The following GRK3 variants were observed in gnomAD, a reference collection of about 807,000 sequenced individuals.
The protein encoded by GRK3 is G protein-coupled receptor kinase 3, also known as adrenergic, beta, receptor kinase 2.
In GRK3, 54 loss-of-function variants were observed where a neutral mutation model predicts 95.7. The ratio of observed to expected loss-of-function variants is 0.56; its 90% CI spans 0.45 to 0.71. GRK3 has a LOEUF of 0.71. Ranked by LOEUF, GRK3 falls within the 30% of genes least tolerant of loss-of-function variation. The pLI is 0.00. For missense variants in GRK3, 649 were observed against 851.2 expected (o/e 0.76, Z 2.96); for synonymous variants, 281 against 290.8 (o/e 0.97, Z 0.34).
chr22:25,718,179 GA>G lies in GRK3; in HGVS notation c.1655-64del. On this transcript the variant is annotated intron_variant, in intron 18 of 20. Coordinates refer to ENST00000324198, the MANE Select transcript of GRK3 (RefSeq NM_005160.4). Reference sequence around the variant, plus strand: ...AAAGCATGTCTGTTCTTTTTTCAGAGAATAATGCTGCTAAGACATTTTGTTT... The same window carrying G: ...AAAGCATGTCTGTTCTTTTTTCAGAGATAATGCTGCTAAGACATTTTGTTT... The G allele has an allele frequency of 2.0e-6, 3 of 1,528,024 alleles. No individual in the cohort carries two copies. The South Asian group carries it at 3.6e-5, about 18-fold the overall frequency. 94.7% of individuals were successfully genotyped at this position (1,528,024 alleles called of 1,614,324 possible).
chr22:25,626,625 G>A (rs2146363844), intron 2 of GRK3, among the ~76,000 whole-genome samples: 1 of 152,338 alleles, frequency 6.6e-6, no homozygotes, highest in South Asian at 2.1e-4. Flanking sequence ...ATTATATTCA[G>A]TTGGTTATAA....
In GRK3 at chr22:25,564,993, C is replaced by T. The variant is rs756094047; in HGVS notation, c.-48C>T. ...GGGCGGCGGCGGCGGGCGCGCGTCCCGTCCAGGTCCGGAGTAACCGCCGCC... is the reference window on the plus strand; with the variant it reads ...GGGCGGCGGCGGCGGGCGCGCGTCCTGTCCAGGTCCGGAGTAACCGCCGCC... On this transcript the variant is annotated 5_prime_UTR_variant, in exon 1 of 21. Coordinates refer to ENST00000324198, the MANE Select transcript of GRK3 (RefSeq NM_005160.4). 38 of 794,686 alleles carry T rather than the reference C, an allele frequency of 4.8e-5. No individual in the cohort carries two copies. The highest frequency in any genetic ancestry group is 1.8e-4 in the Admixed American group (4 of 22,382). 49.2% of individuals were successfully genotyped at this position (794,686 alleles called of 1,614,324 possible). A position where few individuals can be genotyped will look rare whatever the true frequency, so the allele number is the denominator to read the frequency against.
chr22:25,657,606 T>A (rs2146397499), intron 3 of GRK3, among the ~76,000 whole-genome samples: 1 of 152,266 alleles, frequency 6.6e-6, no homozygotes, highest in East Asian at 1.9e-4. Flanking sequence ...GATTATTTTT[T>A]TCCCTCATTC....
Position 25,714,521 on chromosome 22 carries a change from A to G in GRK3, c.1605A>G (p.Lys535=), listed in dbSNP as rs759124258. The G allele has an allele frequency of 6.2e-7, 1 of 1,613,248 alleles. No homozygotes were observed. Among genetic ancestry groups the G allele is most frequent in the South Asian group, 1.1e-5 (1 of 90,742 alleles). The change falls in exon 18 of 21, where the codon AAA becomes AAG. Residue 535 remains lysine, a synonymous_variant. Transcript: ENST00000324198. ...VYEAVNADTD[K]IEARKRAKNK... is the part of the protein sequence containing the mutation. ...AAGCAGTAAATGCAGACACAGATAAAATCGAGGCCAGGAAGAGAGCTAAAA... is the reference window on the plus strand; with the variant it reads ...AAGCAGTAAATGCAGACACAGATAAGATCGAGGCCAGGAAGAGAGCTAAAA...
At chr22:25,619,674 T>TG (rs2084566819) in intron 2 of GRK3, among the ~76,000 whole-genome samples, 6 of 146,834 alleles carry the variant, frequency 4.1e-5, no homozygotes, top group African/African-American at 1.5e-4. Flanking sequence ...TTTTTTTTTT[T>TG]GTAGAGATAG....
At chr22:25,722,175 T>C (rs563908121) in intron 20 of GRK3, 114 bp from the exon 21 acceptor site, 2 of 1,178,456 alleles carry the variant, frequency 1.7e-6, no homozygotes, top group South Asian at 2.8e-5. Flanking sequence ...GGTGGACACG[T>C]AGGGTGTGCT....
intron 3 of GRK3, among the ~76,000 whole-genome samples, chr22:25,654,001 G>T (rs1053383590): frequency 1.3e-5 from 2 of 152,062 alleles, no homozygotes; most frequent in African/African-American, 4.8e-5. Flanking sequence ...ATTCTTTAAC[G>T]TACACATGGA....
chr22:25,570,452 T>G (rs948663958), intron 1 of GRK3, among the ~76,000 whole-genome samples: 1 of 152,048 alleles, frequency 6.6e-6, no homozygotes, highest in Admixed American at 6.6e-5. Context: ...GGGAAAAGAG[T>G]AAAAGGGAAA....
At chr22:25,710,022 T>C (rs2085331731) in intron 16 of GRK3, 58 bp downstream of exon 16, 1 of 1,281,182 alleles carries the variant, frequency 7.8e-7, no homozygotes, top group African/African-American at 1.5e-5. Flanking sequence ...TACCCGCTCA[T>C]CTCTGTCTCA....
chr22:25,649,297 C>A, intron 3 of GRK3: 3 of 797,266 alleles, frequency 3.8e-6, no homozygotes, highest in Non-Finnish European at 6.4e-6. Context: ...TATAGAATTT[C>A]TACAGGGATC....
intron 2 of GRK3, among the ~76,000 whole-genome samples, chr22:25,615,368 G>C (rs945365465): frequency 6.6e-6 from 1 of 152,066 alleles, no homozygotes. Flanking sequence ...GGCTGTTTTA[G>C]GATTTTAAGA....
intron 1 of GRK3, among the ~76,000 whole-genome samples, chr22:25,585,986 T>G: frequency 6.6e-6 from 1 of 152,284 alleles, no homozygotes; most frequent in Non-Finnish European, 1.5e-5. Context: ...GGGTACAGAT[T>G]TAGTATAAAT....
At chr22:25,611,931 C>T (rs1288037921) in intron 2 of GRK3, among the ~76,000 whole-genome samples, 1 of 148,236 alleles carries the variant, frequency 6.7e-6, no homozygotes, top group Non-Finnish European at 1.5e-5. Flanking sequence ...CTACCAGGTT[C>T]AAGTGATTCT....
At position 25,714,584 on chromosome 22, in the gene GRK3, C is replaced by A. The variant is rs573554458; in HGVS notation, c.1654+14C>A. On this transcript the variant is annotated intron_variant, in intron 18 of 20. Transcript: ENST00000324198. ...GCCACGAAGAAGGTAAAATAGCTCA[C>A]GTGTCTCAAAACATTTCTAATGCAG... 1.9e-6 allele frequency: 3 copies of A among 1,573,534 alleles called. No homozygotes were observed. The highest frequency in any genetic ancestry group is 2.3e-5 in the East Asian group (1 of 44,106).
intron 3 of GRK3, among the ~76,000 whole-genome samples, chr22:25,659,720 GA>G (rs1275531332): frequency 7.9e-5 from 12 of 152,180 alleles, no homozygotes; most frequent in African/African-American, 2.9e-4. Flanking sequence ...TATAGAAAGT[GA>G]ATACCAAATT....
intron 1 of GRK3, among the ~76,000 whole-genome samples, chr22:25,598,443 G>A (rs767333259): frequency 2.0e-5 from 3 of 152,022 alleles, no homozygotes; most frequent in East Asian, 3.9e-4. Flanking sequence ...AGTCTGAGCC[G>A]GGAGGATCAC....
chr22:25,647,220 A>G, intron 3 of GRK3: 1 of 187,094 alleles, frequency 5.3e-6, no homozygotes, highest in Non-Finnish European at 9.7e-6. Context: ...GAGCTGCAGC[A>G]GCAGCGACTC....
chr22:25,654,652 G>A (rs4428110), intron 3 of GRK3, among the ~76,000 whole-genome samples: 12,867 of 152,196 alleles, frequency 0.085, 1,760 homozygotes, highest in African/African-American at 0.29. Context: ...CAACTCTCCA[G>A]TTTCAGCATT....
intron 15 of GRK3, among the ~76,000 whole-genome samples, chr22:25,708,480 A>C (rs1309757237): frequency 6.6e-6 from 1 of 151,968 alleles, no homozygotes; most frequent in African/African-American, 2.4e-5. Flanking sequence ...TGGGCTACAG[A>C]TTTAGGAGTC....
Sources: gnomAD v4.1 joint callset for allele counts (sites outside exome capture counted in the v4.1 genomes callset) on GRCh38, gnomAD v4.1.1 for gene constraint, MANE v1.5 for transcripts, NCBI Gene and HGNC (gene_info 2026-07-23, HGNC 2026-07-21) for gene names.